The following ZNF322 variants were observed in gnomAD, a reference collection of about 807,000 sequenced individuals.
ZNF322 encodes the protein zinc finger protein 322, also known as HLA complex group 12.
A neutral mutation model predicts 18.3 loss-of-function variants in ZNF322; 1 was observed. The ratio of observed to expected loss-of-function variants is 0.05; its 90% CI spans 0.02 to 0.26. The LOEUF (loss-of-function observed/expected upper bound fraction) is 0.26. ZNF322 is among the 10% of genes least tolerant of loss of function. ZNF322 has a pLI of 1.00. For missense variants in ZNF322, 36 were observed against 403.6 expected, an observed-to-expected ratio of 0.09 and a Z score of 7.80; for synonymous variants, 17 against 130.7, an observed-to-expected ratio of 0.13 and a Z score of 5.93.
chr6:26,647,509 C>T (rs1014086171), intron 2 of ZNF322, among the ~76,000 whole-genome samples: 1 of 151,776 alleles, frequency 6.6e-6, no homozygotes, highest in Non-Finnish European at 1.5e-5. Flanking sequence ...GAAAAACACA[C>T]ATACATGAAA....
chr6:26,648,021 G>A (rs1765587777), intron 2 of ZNF322, among the ~76,000 whole-genome samples: 1 of 151,960 alleles, frequency 6.6e-6, no homozygotes, highest in South Asian at 2.1e-4. Context: ...TGGGGTATAG[G>A]TACACACCAC....
chr6:26,647,085 A>G (rs942758438), intron 2 of ZNF322, among the ~76,000 whole-genome samples: 3 of 152,154 alleles, frequency 2.0e-5, no homozygotes, highest in African/African-American at 7.2e-5. Context: ...ATAAATTTCA[A>G]TTGAGCCCAG....
intron 2 of ZNF322, among the ~76,000 whole-genome samples, chr6:26,644,241 A>G (rs1765516384): frequency 6.6e-6 from 1 of 152,204 alleles, no homozygotes; most frequent in African/African-American, 2.4e-5. Context: ...TAGGGGCACA[A>G]AAAGAAGTTA....
chr6:26,650,846 A>G (rs1446655679), intron 2 of ZNF322, among the ~76,000 whole-genome samples: 2 of 152,238 alleles, frequency 1.3e-5, no homozygotes, highest in African/African-American at 4.8e-5. Context: ...AATATTGTCA[A>G]ATAGTCAGTT....
At chr6:26,648,939 A>C (rs1765602888) in intron 2 of ZNF322, among the ~76,000 whole-genome samples, 1 of 152,258 alleles carries the variant, frequency 6.6e-6, no homozygotes, top group African/African-American at 2.4e-5. Flanking sequence ...ACTATGGCCC[A>C]CAGGCCAATT....
chr6:26,646,790 A>G (rs1186978505), intron 2 of ZNF322, among the ~76,000 whole-genome samples: 1 of 152,248 alleles, frequency 6.6e-6, no homozygotes, highest in Non-Finnish European at 1.5e-5. Context: ...ATTATCGCAA[A>G]GAAACATTAC....
chr6:26,637,435 G>A lies in ZNF322; in HGVS notation c.1119C>T (p.His373=). ...TACAGACAAACGGTTTTTCACCAAT[G>A]TGTACTGTCTGATGTTGAAGAAGGG... The part of the protein sequence containing the change: ...SSALLQHQTV[H]IGEKPFVCNV... The change falls in exon 4 of 4, where the codon CAC becomes CAT. Residue 373 remains histidine (H), a synonymous_variant. Coordinates refer to ENST00000415922, the MANE Select transcript of ZNF322 (RefSeq NM_024639.5). 1 of 1,614,004 alleles carries A rather than the reference G, an allele frequency of 6.2e-7. No homozygotes were observed.
At chr6:26,657,322 A>G (rs1011893446) in intron 2 of ZNF322, among the ~76,000 whole-genome samples, 3 of 151,882 alleles carry the variant, frequency 2.0e-5, no homozygotes. Context: ...AATAAAATCC[A>G]AAGTTTTTAC....
intron 2 of ZNF322, among the ~76,000 whole-genome samples, chr6:26,645,058 T>C (rs1765532429): frequency 6.6e-6 from 1 of 152,038 alleles, no homozygotes; most frequent in South Asian, 2.1e-4. Flanking sequence ...AGTGAGAACA[T>C]GCGGTGTTTG....
intron 3 of ZNF322, among the ~76,000 whole-genome samples, chr6:26,640,673 T>A (rs896554252): frequency 3.9e-5 from 6 of 152,166 alleles, no homozygotes; most frequent in Non-Finnish European, 8.8e-5. Flanking sequence ...AAGACAGGGA[T>A]TTTTGGCTCA....
In ZNF322 at chr6:26,636,255, TC is replaced by T. The variant is rs1765349880; in HGVS notation, c.*1089del. ...CCAAGGCAAAGTCAATATACTCCTT[TC>T]CCCCAACAGTAACACATGCCACACC... On this transcript the variant is annotated 3_prime_UTR_variant, in exon 4 of 4. Transcript: ENST00000415922. 7.1e-6 allele frequency: 1 copy of T among 141,696 alleles called. No individual in the cohort carries two copies. The highest frequency in any genetic ancestry group is 2.7e-5 in the African/African-American group (1 of 37,642). The allele number at this position is 141,696 out of a possible 1,614,324, so 8.8% of individuals were successfully genotyped here.
At chr6:26,655,332 A>G (rs1561926694) in intron 2 of ZNF322, among the ~76,000 whole-genome samples, 1 of 152,238 alleles carries the variant, frequency 6.6e-6, no homozygotes, top group African/African-American at 2.4e-5. Context: ...CGATAATGGT[A>G]ATGATAATTT....
chr6:26,651,616 T>C (rs1310955833), intron 2 of ZNF322: 5 of 152,330 alleles, frequency 3.3e-5, no homozygotes, highest in Non-Finnish European at 4.4e-5. Context: ...AGAAATGGTA[T>C]GTGAGGTAAT....
At chr6:26,651,531 G>A (rs922485355) in intron 2 of ZNF322, 1 of 152,174 alleles carries the variant, frequency 6.6e-6, no homozygotes, top group South Asian at 2.1e-4. Context: ...AAGTTCTAGA[G>A]TTCTACATCA....
intron 2 of ZNF322, among the ~76,000 whole-genome samples, chr6:26,652,562 A>G (rs569056542): frequency 1.3e-5 from 2 of 152,102 alleles, no homozygotes; most frequent in East Asian, 1.9e-4. Context: ...TGGTAGCAGG[A>G]GCCTGTAATT....
At chr6:26,639,504 C>A (rs782424301) in intron 3 of ZNF322, among the ~76,000 whole-genome samples, 2 of 152,034 alleles carry the variant, frequency 1.3e-5, no homozygotes, top group African/African-American at 4.8e-5. Flanking sequence ...GTTTTTTCCT[C>A]CTCATTCTGT....
At chr6:26,640,570 A>G (rs986975795) in intron 3 of ZNF322, among the ~76,000 whole-genome samples, 5 of 152,148 alleles carry the variant, frequency 3.3e-5, no homozygotes, top group Non-Finnish European at 7.3e-5. Context: ...ACCCTATTCT[A>G]AACTGTACCA....
intron 3 of ZNF322, among the ~76,000 whole-genome samples, chr6:26,640,622 C>T (rs1554148224): frequency 6.6e-6 from 1 of 152,168 alleles, no homozygotes; most frequent in East Asian, 1.9e-4. Context: ...CACTCCTCTC[C>T]TTTCCTATTT....
intron 3 of ZNF322, among the ~76,000 whole-genome samples, chr6:26,638,998 G>A (rs1554148083): frequency 6.6e-6 from 1 of 152,174 alleles, no homozygotes. Flanking sequence ...CTTCAGTTGA[G>A]AAATCAAGAC....
Sources: allele counts gnomAD v4.1 joint callset (sites outside exome capture counted in the v4.1 genomes callset), GRCh38; gene constraint gnomAD v4.1.1; transcripts MANE v1.5; gene names NCBI Gene and HGNC (gene_info 2026-07-23, HGNC 2026-07-21).